Variants in LAMA2 observed in about 807,000 individuals in gnomAD.
LAMA2 encodes laminin subunit alpha 2.
Under a neutral mutation model 364.8 loss-of-function variants are expected in LAMA2, and 269 were observed. That is an observed-to-expected ratio of 0.74 (90% CI 0.67 to 0.82). The LOEUF (loss-of-function observed/expected upper bound fraction) is 0.82. Among genes scored for constraint, LAMA2 ranks in the 40% least tolerant of loss-of-function variants. The pLI is 0.00. For missense variants in LAMA2, 3,807 were observed against 3,873.2 expected (o/e 0.98, Z 0.45); for synonymous variants, 1,379 against 1,370.6 (o/e 1.01, Z -0.14).
chr6:129,166,818 C>A (rs66496825), intron 9 of LAMA2, among the ~76,000 whole-genome samples: 1 of 152,036 alleles, frequency 6.6e-6, no homozygotes, highest in African/African-American at 2.4e-5. Context: ...TCTGATATTG[C>A]TCCTCTTAAC....
chr6:129,378,936 G>A (rs758566928), intron 34 of LAMA2, among the ~76,000 whole-genome samples: 2 of 152,162 alleles, frequency 1.3e-5, no homozygotes, highest in Non-Finnish European at 2.9e-5. Flanking sequence ...ATTCACAATA[G>A]CAAAGACATG....
intron 9 of LAMA2, among the ~76,000 whole-genome samples, chr6:129,172,658 C>T (rs893013527): frequency 1.3e-5 from 2 of 152,230 alleles, no homozygotes; most frequent in Non-Finnish European, 2.9e-5. Context: ...GAGGTGGAGC[C>T]TACAGAGGCA....
At position 129,505,290 on chromosome 6, in the gene LAMA2, G is replaced by T. The variant is rs146976290; in HGVS notation, c.8638G>T (p.Asp2880Tyr). Residue 2880 changes from aspartate to tyrosine, a missense_variant, in exon 61 of 65, where the codon GAT (aspartate) becomes TAT (tyrosine). By Grantham distance (160) the Asp-to-Tyr change is radical (BLOSUM62 -3). Around this residue, in one of 3 missense-constraint regions of LAMA2, gnomAD observed 3,333 missense variants for 3,345.7 expected, o/e 1.00. Transcript: ENST00000421865. ...TISPKKADIL[D>Y]VVGMLYVGGL... ...CAGTCCCAAAAAAGCCGACATCCTG[G>T]ATGTCGTGGGAATGCTGTATGTTGG... 6.2e-7 allele frequency: 1 copy of T among 1,613,994 alleles called. No homozygotes were observed. The highest frequency in any genetic ancestry group is 2.2e-5 in the East Asian group (1 of 44,862).
chr6:129,441,857 C>T (rs1782130555), intron 43 of LAMA2, among the ~76,000 whole-genome samples: 1 of 151,996 alleles, frequency 6.6e-6, no homozygotes, highest in South Asian at 2.1e-4. Flanking sequence ...TGACATTGCA[C>T]CTGTGTTCCC....
chr6:129,149,805 C>T (rs766499421), intron 7 of LAMA2, among the ~76,000 whole-genome samples: 8 of 152,026 alleles, frequency 5.3e-5, no homozygotes, highest in Non-Finnish European at 8.8e-5. Flanking sequence ...ATTATTATTT[C>T]CTAAGCAATA....
chr6:129,004,410 A>T lies in LAMA2; in HGVS notation c.113-45508A>T, dbSNP rs1222777566. Among the ~76,000 whole-genome samples the T allele has an allele frequency of 2.6e-3, 15 of 5,696 alleles. 2 individuals carry two copies. Among genetic ancestry groups the T allele is most frequent in the Non-Finnish European group, 7.1e-3 (12 of 1,698 alleles). The allele number at this position is 5,696 out of a possible 152,430, so 3.7% of individuals were successfully genotyped here. On this transcript the variant is annotated intron_variant, in intron 1 of 64. Transcript: ENST00000421865. Reference sequence around the variant, plus strand: ...CTAAAACTTAGAGTATAATAATAAAAAAAAAAAAAAAAAAAAAAAAGAAGT... The same window carrying T: ...CTAAAACTTAGAGTATAATAATAAATAAAAAAAAAAAAAAAAAAAAGAAGT...
intron 19 of LAMA2, among the ~76,000 whole-genome samples, chr6:129,288,397 T>A (rs542591027): frequency 6.6e-6 from 1 of 152,278 alleles, no homozygotes; most frequent in African/African-American, 2.4e-5. Context: ...TCCATTTTTT[T>A]ATCTCAATTC....
chr6:128,948,397 T>A (rs1041656041), intron 1 of LAMA2, among the ~76,000 whole-genome samples: 1 of 152,008 alleles, frequency 6.6e-6, no homozygotes. Context: ...AACACAGAAG[T>A]TTTTCAGTTT....
chr6:129,006,864 T>A (rs903706200), intron 1 of LAMA2, among the ~76,000 whole-genome samples: 2 of 152,160 alleles, frequency 1.3e-5, no homozygotes, highest in African/African-American at 4.8e-5. Context: ...CTGCAGTTGC[T>A]GGGCAGTGTA....
rs150978392 is a variant in LAMA2 at position 129,018,551 on chromosome 6, G to A, written c.113-31367G>A. Among the ~76,000 whole-genome samples, 1,327 of 149,236 alleles carry A rather than the reference G, an allele frequency of 8.9e-3. 15 individuals carry two copies. Among genetic ancestry groups the A allele is most frequent in the Admixed American group, 0.03 (454 of 15,002 alleles). On this transcript the variant is annotated intron_variant, in intron 1 of 64. Transcript: ENST00000421865. ...TTGAGATTTAAAAAAAAAAAAAAGC[G>A]AAGTATTTAAACTACCCCTCTTGAG...
In LAMA2 at chr6:128,980,481, T is replaced by C. The variant is rs74557148; in HGVS notation, c.113-69437T>C. Among the ~76,000 whole-genome samples, 1,370 of 152,314 alleles carry C rather than the reference T, an allele frequency of 9.0e-3. 6 individuals are homozygous for C. Among genetic ancestry groups the C allele is most frequent in the Middle Eastern group, 0.02 (6 of 294 alleles). On this transcript the variant is annotated intron_variant, in intron 1 of 64. Transcript: ENST00000421865. ...AAGAGGTTCTCTTTGGAATTTAATT[T>C]TCTGTGTGAAAAATAAATCACTTTT... is the stretch of plus-strand genomic sequence containing the variant.
intron 1 of LAMA2, among the ~76,000 whole-genome samples, chr6:128,930,792 A>T (rs1210758405): frequency 6.6e-6 from 1 of 152,228 alleles, no homozygotes; most frequent in African/African-American, 2.4e-5. Context: ...TAAATTCCTT[A>T]TGAAAATCTT....
intron 19 of LAMA2, among the ~76,000 whole-genome samples, chr6:129,290,030 G>A (rs1004026946): frequency 6.6e-6 from 1 of 152,052 alleles, no homozygotes; most frequent in Admixed American, 6.6e-5. Context: ...CCACTACAAA[G>A]AAATATATTT....
intron 4 of LAMA2, among the ~76,000 whole-genome samples, chr6:129,123,355 T>C (rs1445419141): frequency 1.3e-5 from 2 of 150,474 alleles, no homozygotes; most frequent in South Asian, 2.1e-4. Flanking sequence ...CTCACACATA[T>C]ATATATGTGT....
chr6:129,457,344 A>G (rs1278910586), intron 48 of LAMA2, among the ~76,000 whole-genome samples: 1 of 152,148 alleles, frequency 6.6e-6, no homozygotes, highest in Non-Finnish European at 1.5e-5. Context: ...TATATGGTAC[A>G]TAGTAATATA....
chr6:128,912,851 T>G (rs1236546444), intron 1 of LAMA2, among the ~76,000 whole-genome samples: 1 of 151,942 alleles, frequency 6.6e-6, no homozygotes, highest in African/African-American at 2.4e-5. Flanking sequence ...CACAGAGGAG[T>G]TGGAATTTGG....
intron 1 of LAMA2, among the ~76,000 whole-genome samples, chr6:128,894,742 G>T (rs1050799170): frequency 6.6e-6 from 1 of 152,076 alleles, no homozygotes; most frequent in African/African-American, 2.4e-5. Context: ...TTTCTTCTGG[G>T]AGTGTGTGGT....
chr6:128,928,934 A>G (rs951393091), intron 1 of LAMA2: 1 of 823,134 alleles, frequency 1.2e-6, no homozygotes, highest in Non-Finnish European at 2.1e-6. Flanking sequence ...GGAATACACA[A>G]CAGATAAGGG....
chr6:129,490,250 T>C (rs1784794744), intron 56 of LAMA2, among the ~76,000 whole-genome samples: 2 of 152,226 alleles, frequency 1.3e-5, no homozygotes, highest in South Asian at 2.1e-4. Flanking sequence ...GGTATTTTTA[T>C]CTCCATCTTA....
Sources: allele counts gnomAD v4.1 joint callset (sites outside exome capture counted in the v4.1 genomes callset), GRCh38; gene constraint gnomAD v4.1.1; regional missense constraint gnomAD v4.1.1; transcripts MANE v1.5; gene names NCBI Gene and HGNC (gene_info 2026-07-23, HGNC 2026-07-21).